The following UNC79 variants were observed in gnomAD, a reference collection of about 807,000 sequenced individuals.
The protein encoded by UNC79 is protein unc-79 homolog.
UNC79 carries 37 observed loss-of-function variants against 283.1 expected under a neutral mutation model. The observed-to-expected ratio is 0.13, with a 90% CI of 0.10 to 0.17. UNC79 has a LOEUF of 0.17. UNC79 is among the 10% of genes least tolerant of loss of function. The pLI, the probability that UNC79 is intolerant of heterozygous loss-of-function variation, is 1.00. For synonymous variants in UNC79, 1,107 were observed against 1,200.2 expected, an observed-to-expected ratio of 0.92 and a Z score of 1.61; for missense variants, 2,272 against 3,211.1, an observed-to-expected ratio of 0.71 and a Z score of 7.07.
chr14:93,630,712 T>C (rs2067960631), intron 30 of UNC79, 89 bp from the exon 33 acceptor site: 1 of 953,570 alleles, frequency 1.0e-6, no homozygotes, highest in East Asian at 2.6e-5. Flanking sequence ...TGAATGGTTG[T>C]AGTAGACAAG....
chr14:93,596,709 G>A (rs1224263694), intron 23 of UNC79, among the ~76,000 whole-genome samples: 1 of 152,158 alleles, frequency 6.6e-6, no homozygotes, highest in African/African-American at 2.4e-5. Flanking sequence ...ATACTGAAAC[G>A]TCTTAATTTG....
chr14:93,361,510 CA>C (rs35635849), intron 1 of UNC79, among the ~76,000 whole-genome samples: 95,105 of 138,598 alleles, frequency 0.69, 31,806 homozygotes, highest in Middle Eastern at 0.79. Flanking sequence ...GACACTATCT[CA>C]AAAAAAAAAA....
intron 1 of UNC79, among the ~76,000 whole-genome samples, chr14:93,407,010 A>T (rs1305940331): frequency 6.6e-6 from 1 of 152,148 alleles, no homozygotes; most frequent in African/African-American, 2.4e-5. Context: ...GGCTCCCAGC[A>T]ATCTTGGTAT....
At chr14:93,598,221 C>A (rs1310061616) in intron 24 of UNC79, among the ~76,000 whole-genome samples, 1 of 152,092 alleles carries the variant, frequency 6.6e-6, no homozygotes, top group Non-Finnish European at 1.5e-5. Flanking sequence ...GAACTCCTGG[C>A]CTCCAGCAAT....
At chr14:93,579,529 C>G (rs1432381041) in intron 18 of UNC79, among the ~76,000 whole-genome samples, 1 of 152,124 alleles carries the variant, frequency 6.6e-6, no homozygotes, top group Non-Finnish European at 1.5e-5. Flanking sequence ...CCGCAGTGCC[C>G]ATGGATTTTT....
rs1250190696 is a variant in UNC79, at chr14:93,538,718, G to A, written c.1352+500G>A. Among the ~76,000 whole-genome samples, 5 of 144,814 alleles carry A rather than the reference G, an allele frequency of 3.5e-5. No homozygotes were observed. In the East Asian group the frequency reaches 1.1e-3, roughly 31 times the overall value. On this transcript the variant is annotated intron_variant, in intron 12 of 48. Coordinates refer to ENST00000555664, the Ensembl canonical transcript of UNC79. ...ACAACTCCAAGTAATTCCATGCTGG[G>A]ATAAACCACGACCCTGTGTAGTCAG...
chr14:93,685,012 A>G (rs546257758), intron 42 of UNC79, among the ~76,000 whole-genome samples: 12 of 152,310 alleles, frequency 7.9e-5, no homozygotes, highest in African/African-American at 2.9e-4. Context: ...AGGAGGAGGG[A>G]TTGGAAATTA....
chr14:93,450,181 A>G (rs552926408), intron 1 of UNC79, among the ~76,000 whole-genome samples: 4 of 152,120 alleles, frequency 2.6e-5, no homozygotes, highest in Non-Finnish European at 5.9e-5. Context: ...GGGTTACTCT[A>G]TGTTTTCTGC....
At chr14:93,394,504 A>C (rs571841854) in intron 1 of UNC79, among the ~76,000 whole-genome samples, 3 of 150,882 alleles carry the variant, frequency 2.0e-5, no homozygotes, top group African/African-American at 7.3e-5. Flanking sequence ...TCCGCCTCCC[A>C]GGTTCAAGCG....
intron 1 of UNC79, among the ~76,000 whole-genome samples, chr14:93,443,177 T>C (rs1272934233): frequency 6.6e-6 from 1 of 151,632 alleles, no homozygotes; most frequent in Non-Finnish European, 1.5e-5. Flanking sequence ...GAAGCTGAGA[T>C]TGCGCCACTG....
At chr14:93,492,826 G>C (rs2058797588) in intron 5 of UNC79, among the ~76,000 whole-genome samples, 1 of 152,160 alleles carries the variant, frequency 6.6e-6, no homozygotes, top group South Asian at 2.1e-4. Flanking sequence ...TGGAACATCT[G>C]CACTTGAGAA....
chr14:93,445,879 C>A (rs2056445625), intron 1 of UNC79, among the ~76,000 whole-genome samples: 1 of 151,980 alleles, frequency 6.6e-6, no homozygotes, highest in East Asian at 1.9e-4. Context: ...CCATTTTGTC[C>A]ATTTGACAAA....
chr14:93,443,223 C>CTAAATAAATAAA (rs58351659), intron 1 of UNC79, among the ~76,000 whole-genome samples: 2,814 of 144,696 alleles, frequency 0.019, 41 homozygotes, highest in Middle Eastern at 0.028. Flanking sequence ...GAGTCAGTCT[C>CTAAATAAATAAA]TAAATAAATA....
At chr14:93,537,851 T>C in intron 11 of UNC79, 138 bp from the exon 12 acceptor site, 4 of 764,948 alleles carry the variant, frequency 5.2e-6, no homozygotes, top group Non-Finnish European at 8.2e-6. Flanking sequence ...AGTGGGAGAA[T>C]AACCTGCGCT....
intron 1 of UNC79, among the ~76,000 whole-genome samples, chr14:93,341,188 C>T (rs755072687): frequency 5.9e-5 from 9 of 152,236 alleles, no homozygotes; most frequent in South Asian, 2.1e-4. Context: ...CAGTGGTTCA[C>T]GCCTGCAATC....
rs141621618 is a variant in UNC79 at position 93,655,518 on chromosome 14, G to T, written c.6456+111G>T. On this transcript the variant is annotated intron_variant, in intron 38 of 48. Transcript: ENST00000555664. The stretch of plus-strand genomic sequence containing the variant: ...TTAATGTATCGCAAAGGTTAATGAG[G>T]AAACTCCGTCAGCCATGGAGTGAGG... The T allele has an allele frequency of 9.6e-5, 125 of 1,305,590 alleles. 1 individual carries two copies. In the East Asian group the frequency reaches 2.7e-3, roughly 28 times the overall value. 80.9% of individuals were successfully genotyped at this position (1,305,590 alleles called of 1,614,324 possible).
Position 93,688,569 on chromosome 14 carries a change from A to G in UNC79, c.6910-96A>G, listed in dbSNP as rs2074433668. On this transcript the variant is annotated intron_variant, in intron 43 of 48. Transcript: ENST00000555664. The surrounding 1 kb of genome is among the most constrained non-coding windows in gnomAD (Gnocchi z 4.0). Reference sequence around the variant, plus strand: ...CAGGTTGTTTGCTCAGAGTGGCGATAAGCGGGGTGGAAATGACAACCTCTT... The same window carrying G: ...CAGGTTGTTTGCTCAGAGTGGCGATGAGCGGGGTGGAAATGACAACCTCTT... The G allele has an allele frequency of 1.4e-6, 2 of 1,392,866 alleles. No individual in the cohort carries two copies. The highest frequency in any genetic ancestry group is 1.4e-5 in the African/African-American group (1 of 69,914). The allele number at this position is 1,392,866 out of a possible 1,614,324, so 86.3% of individuals were successfully genotyped here. A position where few individuals can be genotyped will look rare whatever the true frequency, so the allele number is the denominator to read the frequency against.
intron 35 of UNC79, among the ~76,000 whole-genome samples, chr14:93,650,036 G>C (rs1200317895): frequency 6.6e-6 from 1 of 152,068 alleles, no homozygotes; most frequent in Non-Finnish European, 1.5e-5. Flanking sequence ...GGTTGATTTT[G>C]CCCATTCTAG....
intron 42 of UNC79, among the ~76,000 whole-genome samples, chr14:93,685,555 A>G (rs1417920845): frequency 6.6e-6 from 1 of 152,230 alleles, no homozygotes; most frequent in Non-Finnish European, 1.5e-5. Context: ...GTAACATTCT[A>G]GAAGAGAGAG....
Sources: gnomAD v4.1 joint callset for allele counts (sites outside exome capture counted in the v4.1 genomes callset) on GRCh38, gnomAD v4.1.1 for gene constraint, Gnocchi (gnomAD v3.1) non-coding constraint, MANE v1.5 for transcripts, NCBI Gene and HGNC (gene_info 2026-07-23, HGNC 2026-07-21) for gene names.